The following STX11 variants were observed in gnomAD, a reference collection of about 807,000 sequenced individuals.
STX11 encodes the protein syntaxin-11.
STX11 carries 21 observed loss-of-function variants against 19.9 expected under a neutral mutation model. The ratio of observed to expected loss-of-function variants is 1.06; its 90% CI spans 0.75 to 1.52. STX11 has a LOEUF of 1.52. STX11 is among the 40% of genes most tolerant of loss of function. The probability of loss-of-function intolerance (pLI) is 0.00; values close to 1 mark genes in which losing one functional copy is unlikely to be tolerated. For synonymous variants in STX11, 193 were observed against 174.4 expected (o/e 1.11, Z -0.84); for missense variants, 438 against 405.9 (o/e 1.08, Z -0.68).
upstream of STX11, chr6:144,150,440 C>A (rs1800969096): frequency 4.2e-6 from 4 of 950,088 alleles, no homozygotes; most frequent in Non-Finnish European, 5.0e-6. Context: ...CGCGCCCCAG[C>A]GCTGTCATCC....
Position 144,160,250 on chromosome 6 carries a change from C to T in STX11, c.-6+9547C>T, listed in dbSNP as rs1584022737. Among the ~76,000 whole-genome samples, 1 of 152,114 alleles carries T rather than the reference C, an allele frequency of 6.6e-6. No homozygotes were observed. Among genetic ancestry groups the T allele is most frequent in the East Asian group, 1.9e-4 (1 of 5,192 alleles). ...CGAACTCCTGACCTCAGGTGAACCG[C>T]CTGCCTCAGCCTACCAAAGTGCTGG... On this transcript the variant is annotated intron_variant, in intron 1 of 1. Coordinates refer to ENST00000367568, the MANE Select transcript of STX11 (RefSeq NM_003764.4). This position sits in a 1 kb window ranked among gnomAD's most constrained non-coding sequence, Gnocchi z 4.3.
rs1429111482 is a variant in STX11 at position 144,182,650 on chromosome 6, AG to A, written c.-5-3972del. ...GTACTTGACTCTTCTTATTGTGATG[AG>A]ATGATTTCCCCCAATAGCTTTTTAA... On this transcript the variant is annotated intron_variant, in intron 1 of 1. Transcript: ENST00000367568. The surrounding 1 kb of genome is among the most constrained non-coding windows in gnomAD (Gnocchi z 4.8). Among the ~76,000 whole-genome samples, 30 of 152,308 alleles carry A rather than the reference AG, an allele frequency of 2.0e-4. No homozygotes were observed. The highest frequency in any genetic ancestry group is 8.5e-4 in the Admixed American group (13 of 15,302).
At position 144,153,276 on chromosome 6, in the gene STX11, C is replaced by T. The variant is rs1801052287; in HGVS notation, c.-6+2573C>T. On this transcript the variant is annotated intron_variant, in intron 1 of 1. Transcript: ENST00000367568. This position sits in a 1 kb window ranked among gnomAD's most constrained non-coding sequence, Gnocchi z 5.0. Reference sequence around the variant, plus strand: ...GAAAGAAAGGGTCGAGTTTGTCATTCAGCATTGTACTCCCTGAACTTGGCC... The same window carrying T: ...GAAAGAAAGGGTCGAGTTTGTCATTTAGCATTGTACTCCCTGAACTTGGCC... Among the ~76,000 whole-genome samples, 1 of 152,190 alleles carries T rather than the reference C, an allele frequency of 6.6e-6. No individual in the cohort carries two copies. Among genetic ancestry groups the T allele is most frequent in the African/African-American group, 2.4e-5 (1 of 41,434 alleles).
rs528232443 is a variant in STX11 at position 144,168,014 on chromosome 6, C to A, written c.-6+17311C>A. 8.5e-5 allele frequency among the ~76,000 whole-genome samples: 13 copies of A among 152,324 alleles called. No individual in the cohort carries two copies. In the South Asian group the frequency reaches 2.3e-3, roughly 27 times the overall value. On this transcript the variant is annotated intron_variant, in intron 1 of 1. Transcript: ENST00000367568. ...AGTGAAAAAAATAATGTGTTCAGGG[C>A]AACTAAGCCCAGTAGCATCACCAAA...
At position 144,180,014 on chromosome 6, in the gene STX11, C is replaced by CTG. The variant is rs1312276117; in HGVS notation, c.-5-6597_-5-6596dup. ...TCTCTTTTTCTTTCTCTTTCTCTTTCTGTGTGTGTGTGTATCTACAAGCTG... is the reference window on the plus strand; with the variant it reads ...TCTCTTTTTCTTTCTCTTTCTCTTTCTGTGTGTGTGTGTGTATCTACAAGCTG... On this transcript the variant is annotated intron_variant, in intron 1 of 1. Coordinates refer to ENST00000367568, the MANE Select transcript of STX11 (RefSeq NM_003764.4). This position sits in a 1 kb window ranked among gnomAD's most constrained non-coding sequence, Gnocchi z 5.3. 2.6e-5 allele frequency among the ~76,000 whole-genome samples: 4 copies of CTG among 151,720 alleles called. No individual in the cohort carries two copies. The highest frequency in any genetic ancestry group is 1.9e-4 in the East Asian group (1 of 5,176).
Position 144,177,155 on chromosome 6 carries a change from C to T in STX11, c.-5-9468C>T, listed in dbSNP as rs1230118243. Among the ~76,000 whole-genome samples the T allele has an allele frequency of 1.3e-5, 2 of 152,154 alleles. No individual in the cohort carries two copies. Among genetic ancestry groups the T allele is most frequent in the African/African-American group, 4.8e-5 (2 of 41,434 alleles). ...GATTCTGGAAACTCCATGGATTTCT[C>T]CCTTTCAAAGATACTTCATGGAATA... On this transcript the variant is annotated intron_variant, in intron 1 of 1. Coordinates refer to ENST00000367568, the MANE Select transcript of STX11 (RefSeq NM_003764.4). The surrounding 1 kb of genome is among the most constrained non-coding windows in gnomAD (Gnocchi z 4.4).
In STX11 at chr6:144,153,094, T is replaced by C. The variant is rs1801047214; in HGVS notation, c.-6+2391T>C. 6.6e-6 allele frequency among the ~76,000 whole-genome samples: 1 copy of C among 152,234 alleles called. No individual in the cohort carries two copies. Among genetic ancestry groups the C allele is most frequent in the Non-Finnish European group, 1.5e-5 (1 of 68,038 alleles). Reference sequence around the variant, plus strand: ...TTGCAATTGAAATCTGCTGAGATGCTTTTGAACTGGATGCCCAAGTATCAA... The same window carrying C: ...TTGCAATTGAAATCTGCTGAGATGCCTTTGAACTGGATGCCCAAGTATCAA... On this transcript the variant is annotated intron_variant, in intron 1 of 1. Transcript: ENST00000367568. The surrounding 1 kb of genome is among the most constrained non-coding windows in gnomAD (Gnocchi z 5.0).
chr6:144,146,458 A>G (rs1335275176), upstream of STX11, among the ~76,000 whole-genome samples: 1 of 152,126 alleles, frequency 6.6e-6, no homozygotes, highest in Admixed American at 6.5e-5. The surrounding 1 kb of genome is among the most constrained non-coding windows in gnomAD (Gnocchi z 4.4). Context: ...CCCTGTCATT[A>G]TGTGCCACCA....
In STX11 at chr6:144,154,193, G is replaced by C. The variant is rs993592346; in HGVS notation, c.-6+3490G>C. On this transcript the variant is annotated intron_variant, in intron 1 of 1. Coordinates refer to ENST00000367568, the MANE Select transcript of STX11 (RefSeq NM_003764.4). The surrounding 1 kb of genome is among the most constrained non-coding windows in gnomAD (Gnocchi z 4.7). ...CTGAAGCACCCTGCTGTGATGTGCT[G>C]TCTTGATGAATGAATCAATGAGGTT... Among the ~76,000 whole-genome samples, 1 of 152,204 alleles carries C rather than the reference G, an allele frequency of 6.6e-6. No individual in the cohort carries two copies. Among genetic ancestry groups the C allele is most frequent in the Non-Finnish European group, 1.5e-5 (1 of 68,032 alleles).
chr6:144,189,236 G>A lies in STX11; in HGVS notation c.*1745G>A, dbSNP rs1802152647. 6.6e-6 allele frequency among the ~76,000 whole-genome samples: 1 copy of A among 152,072 alleles called. No homozygotes were observed. Among genetic ancestry groups the A allele is most frequent in the Non-Finnish European group, 1.5e-5 (1 of 68,014 alleles). The stretch of plus-strand genomic sequence containing the variant: ...CAGGGTTTGCCATGTGGCCCAGGCT[G>A]GTCTCAAACTTGTGAGCTTGAGCAA... On this transcript the variant is annotated 3_prime_UTR_variant, in exon 2 of 2. Coordinates refer to ENST00000367568, the MANE Select transcript of STX11 (RefSeq NM_003764.4).
In STX11 at chr6:144,174,978, T is replaced by C. The variant is rs892514830; in HGVS notation, c.-5-11645T>C. ...CAAAACCCCATCTCTACAAAAGATA[T>C]AAAAATTAGCCCGCAGTCCCAGCTA... On this transcript the variant is annotated intron_variant, in intron 1 of 1. Transcript: ENST00000367568. This position sits in a 1 kb window ranked among gnomAD's most constrained non-coding sequence, Gnocchi z 5.3. Among the ~76,000 whole-genome samples, 3 of 150,416 alleles carry C rather than the reference T, an allele frequency of 2.0e-5. No individual in the cohort carries two copies. The highest frequency in any genetic ancestry group is 7.4e-5 in the African/African-American group (3 of 40,770).
Position 144,155,940 on chromosome 6 carries a change from ATCTTTCTT to A in STX11, c.-6+5305_-6+5312del, listed in dbSNP as rs747288617. Among the ~76,000 whole-genome samples the A allele has an allele frequency of 0.2, 23,054 of 117,998 alleles. 2,729 individuals carry two copies. Among genetic ancestry groups the A allele is most frequent in the Non-Finnish European group, 0.23 (12,931 of 55,856 alleles). The allele number at this position is 117,998 out of a possible 152,430, so 77.4% of individuals were successfully genotyped here. On this transcript the variant is annotated intron_variant, in intron 1 of 1. Transcript: ENST00000367568. The surrounding 1 kb of genome is among the most constrained non-coding windows in gnomAD (Gnocchi z 4.5). The stretch of plus-strand genomic sequence containing the variant: ...CTAATTAAATGTGTTTTAAAATTTA[ATCTTTCTT>A]TCTTTCTTTCTTTCTTTCTTTCTTT...
chr6:144,167,033 G>A lies in STX11; in HGVS notation c.-6+16330G>A, dbSNP rs1387299550. On this transcript the variant is annotated intron_variant, in intron 1 of 1. Transcript: ENST00000367568. This position sits in a 1 kb window ranked among gnomAD's most constrained non-coding sequence, Gnocchi z 5.0. ...GAAGAAGAAACCCCAGAGAGCTCCT[G>A]TAGTTTTCCAGGGAAACAAACTAAA... is the stretch of plus-strand genomic sequence containing the variant. 6.6e-6 allele frequency among the ~76,000 whole-genome samples: 1 copy of A among 152,192 alleles called. No individual in the cohort carries two copies. Among genetic ancestry groups the A allele is most frequent in the Non-Finnish European group, 1.5e-5 (1 of 68,048 alleles).
In STX11 at chr6:144,182,844, C is replaced by T. The variant is rs886823025; in HGVS notation, c.-5-3779C>T. On this transcript the variant is annotated intron_variant, in intron 1 of 1. Transcript: ENST00000367568. The surrounding 1 kb of genome is among the most constrained non-coding windows in gnomAD (Gnocchi z 4.8). ...ACATGTAAGGAAGGAAGGCATCTCT[C>T]ACCTATTCTTGCCTTGTTCATCAAA... Among the ~76,000 whole-genome samples the T allele has an allele frequency of 1.3e-5, 2 of 152,194 alleles. No homozygotes were observed. Among genetic ancestry groups the T allele is most frequent in the East Asian group, 1.9e-4 (1 of 5,192 alleles).
Position 144,159,975 on chromosome 6 carries a change from C to A in STX11, c.-6+9272C>A, listed in dbSNP as rs965381704. Among the ~76,000 whole-genome samples, 1 of 152,122 alleles carries A rather than the reference C, an allele frequency of 6.6e-6. No homozygotes were observed. Among genetic ancestry groups the A allele is most frequent in the South Asian group, 2.1e-4 (1 of 4,812 alleles). On this transcript the variant is annotated intron_variant, in intron 1 of 1. Coordinates refer to ENST00000367568, the MANE Select transcript of STX11 (RefSeq NM_003764.4). This position sits in a 1 kb window ranked among gnomAD's most constrained non-coding sequence, Gnocchi z 4.3. The stretch of plus-strand genomic sequence containing the variant: ...CCAGCTTGGTGGCTCATGCTGGGTC[C>A]TTTTTCTCCTTTTCTGGCCAGTTCT...
Position 144,151,110 on chromosome 6 carries a change from C to A in STX11, c.-6+407C>A. ...TCACTTCCTAGTAGGGTGACTGTGT[C>A]AAAAACACCAGAATGGGTACTTCTT... On this transcript the variant is annotated intron_variant, in intron 1 of 1. Transcript: ENST00000367568. The surrounding 1 kb of genome is among the most constrained non-coding windows in gnomAD (Gnocchi z 4.6). 2.5e-6 allele frequency: 1 copy of A among 404,504 alleles called. No homozygotes were observed. Among genetic ancestry groups the A allele is most frequent in the Non-Finnish European group, 3.3e-6 (1 of 299,204 alleles). The allele number at this position is 404,504 out of a possible 1,614,324, so 25.1% of individuals were successfully genotyped here.
chr6:144,157,239 A>G (rs569279942), intron 1 of STX11, among the ~76,000 whole-genome samples: 2 of 152,322 alleles, frequency 1.3e-5, no homozygotes, highest in African/African-American at 4.8e-5. Context: ...AGCGGCCTCA[A>G]CAGGGAGGAG....
chr6:144,166,697 T>G (rs979761355), intron 1 of STX11, among the ~76,000 whole-genome samples: 3 of 152,026 alleles, frequency 2.0e-5, no homozygotes, highest in Admixed American at 2.0e-4. Flanking sequence ...TGCTAATTTT[T>G]GTATTTTTAG....
intron 1 of STX11, among the ~76,000 whole-genome samples, chr6:144,178,041 T>A (rs1436471965): frequency 6.6e-6 from 1 of 152,214 alleles, no homozygotes; most frequent in African/African-American, 2.4e-5. Flanking sequence ...AAGAATTAGA[T>A]GCTAATAATT....
Sources: allele counts gnomAD v4.1 joint callset (sites outside exome capture counted in the v4.1 genomes callset), GRCh38; gene constraint gnomAD v4.1.1; non-coding constraint Gnocchi (gnomAD v3.1); transcripts MANE v1.5; gene names NCBI Gene and HGNC (gene_info 2026-07-23, HGNC 2026-07-21).